Variants in CHD1L observed in about 807,000 individuals in gnomAD.
CHD1L encodes chromodomain helicase DNA binding protein 1 like, also known as ATP-dependent chromatin remodeler CHD1L.
In CHD1L, 118 loss-of-function variants were observed where a neutral mutation model predicts 115.9. The observed-to-expected ratio is 1.02, with a 90% CI of 0.88 to 1.19. The LOEUF is 1.19. CHD1L is among the 50% of genes most tolerant of loss of function. The pLI, the probability that CHD1L is intolerant of heterozygous loss-of-function variation, is 0.00. For missense variants in CHD1L, 1,179 were observed against 1,065.3 expected, an observed-to-expected ratio of 1.11 and a Z score of -1.49; for synonymous variants, 411 against 387.1, an observed-to-expected ratio of 1.06 and a Z score of -0.72.
chr1:147,186,973 A>C, the CHD1L span: 1 of 1,614,108 alleles, frequency 6.2e-7, no homozygotes, highest in African/African-American at 1.3e-5. Flanking sequence ...TGTTGAAGTC[A>C]TAGAACTACT....
chr1:147,178,252 C>G, the CHD1L span: 1 of 1,613,700 alleles, frequency 6.2e-7, no homozygotes, highest in Non-Finnish European at 8.5e-7. Context: ...CTCTGCGGGC[C>G]TCATGCTCGT....
chr1:147,178,211 A>G, the CHD1L span: 49 of 1,613,426 alleles, frequency 3.0e-5, no homozygotes, highest in African/African-American at 5.7e-4. Context: ...CTCAGGGACG[A>G]CAACTTGGAG....
the CHD1L span, among the ~76,000 whole-genome samples, chr1:147,207,938 C>T: frequency 4.9e-4 from 74 of 152,270 alleles, no homozygotes; most frequent in African/African-American, 1.8e-3. Flanking sequence ...GTTCATAAGT[C>T]CCTATGAAAT....
At position 147,255,824 on chromosome 1, in the gene CHD1L, G is replaced by A. The variant is rs1669928060; in HGVS notation, c.359G>A (p.Gly120Asp). ...TTTCTTGGATTCAGATTTGCTCCAG[G>A]TCTTTCCTGTGTAACATATGCAGGC... ...WKEEMQRFAP[G>D]LSCVTYAGDK... The change falls in exon 4 of 23, where the codon GGT becomes GAT. Residue 120 changes from glycine (G) to aspartate (D), a missense_variant. Physicochemically the swap from Gly to Asp is moderately conservative, Grantham distance 94. Coordinates refer to ENST00000369258, the MANE Select transcript of CHD1L (RefSeq NM_004284.6). 1 of 1,611,140 alleles carries A rather than the reference G, an allele frequency of 6.2e-7. No individual in the cohort carries two copies. Among genetic ancestry groups the A allele is most frequent in the African/African-American group, 1.3e-5 (1 of 74,850 alleles).
the CHD1L span, chr1:147,178,126 C>T: frequency 1.9e-6 from 3 of 1,593,872 alleles, no homozygotes; most frequent in Non-Finnish European, 2.6e-6. Context: ...GTGCCTCCGC[C>T]GCCCAGCGCT....
intron 12 of CHD1L, among the ~76,000 whole-genome samples, chr1:147,272,903 GA>G (rs35351060): frequency 2.1e-5 from 3 of 141,410 alleles, no homozygotes; most frequent in Admixed American, 7.0e-5. Context: ...GTGGTGTCTG[GA>G]AAAAAAAAAA....
intron 10 of CHD1L, among the ~76,000 whole-genome samples, chr1:147,269,835 G>A (rs1305487810): frequency 3.9e-5 from 6 of 152,230 alleles, no homozygotes; most frequent in African/African-American, 1.2e-4. Flanking sequence ...ACTGTCTTAG[G>A]TATGGCCTGA....
the CHD1L span, among the ~76,000 whole-genome samples, chr1:147,226,817 A>T: frequency 6.8e-6 from 1 of 147,176 alleles, no homozygotes; most frequent in Non-Finnish European, 1.5e-5. Context: ...ATTAACATTA[A>T]TGTGTTTTGG....
intron 1 of CHD1L, among the ~76,000 whole-genome samples, chr1:147,249,271 CAAG>C (rs1667595443): frequency 6.6e-6 from 1 of 151,996 alleles, no homozygotes; most frequent in East Asian, 1.9e-4. Context: ...AGATTTCTGA[CAAG>C]AAATCTGCTT....
chr1:147,251,076 T>C (rs12061879), intron 1 of CHD1L, among the ~76,000 whole-genome samples: 2,835 of 152,278 alleles, frequency 0.019, 88 homozygotes, highest in African/African-American at 0.064. Flanking sequence ...TCTCCATCCA[T>C]GTGGAATTGT....
At chr1:147,216,030 A>G in the CHD1L span, 11 of 917,566 alleles carry the variant, frequency 1.2e-5, no homozygotes, top group South Asian at 1.6e-4. Context: ...AGTTTTCTGA[A>G]AGAAGTGTCA....
intron 21 of CHD1L, 97 bp from the exon 22 acceptor site, chr1:147,294,312 G>C: frequency 1.4e-6 from 1 of 700,472 alleles, no homozygotes. Context: ...TATGGGCTTT[G>C]AGGGAGATAG....
At chr1:147,282,781 G>C (rs1681426663) in intron 15 of CHD1L, among the ~76,000 whole-genome samples, 1 of 152,128 alleles carries the variant, frequency 6.6e-6, no homozygotes, top group South Asian at 2.1e-4. Flanking sequence ...CTCTTTTCCA[G>C]AAAGATAATT....
chr1:147,265,564 C>T (rs762099705), intron 7 of CHD1L, among the ~76,000 whole-genome samples: 9 of 152,156 alleles, frequency 5.9e-5, no homozygotes, highest in Non-Finnish European at 1.3e-4. Flanking sequence ...GATAAGTTGC[C>T]TAATTTCTGA....
intron 20 of CHD1L, among the ~76,000 whole-genome samples, chr1:147,293,126 T>C (rs1043851535): frequency 7.0e-6 from 1 of 142,478 alleles, no homozygotes; most frequent in African/African-American, 2.5e-5. Flanking sequence ...CTTGACACTC[T>C]CCAGCTCGCC....
At chr1:147,256,456 T>G (rs1670177507) in intron 4 of CHD1L, 75 bp from the exon 5 acceptor site, 6 of 1,313,026 alleles carry the variant, frequency 4.6e-6, no homozygotes, top group Non-Finnish European at 6.6e-6. Flanking sequence ...TTTAAGAGAG[T>G]TCACAGAAAA....
Position 147,255,848 on chromosome 1 carries a change from G to A in CHD1L, c.383G>A (p.Gly128Asp). 1.2e-6 allele frequency: 2 copies of A among 1,613,706 alleles called. No individual in the cohort carries two copies. The highest frequency in any genetic ancestry group is 8.5e-7 in the Non-Finnish European group (1 of 1,179,782). The change falls in exon 4 of 23, where the codon GGC (glycine) becomes GAC (aspartate). Residue 128 changes from glycine to aspartate, a missense_variant. Transcript: ENST00000369258. The stretch of plus-strand genomic sequence containing the variant: ...GGTCTTTCCTGTGTAACATATGCAG[G>A]CGACAAGGAGGAAAGAGCCTGCCTT... ...APGLSCVTYA[G>D]DKEERACLQQ...
At chr1:147,233,032 G>T in the CHD1L span, among the ~76,000 whole-genome samples, 1 of 151,988 alleles carries the variant, frequency 6.6e-6, no homozygotes, top group African/African-American at 2.4e-5. Flanking sequence ...CTTCCCGGCC[G>T]CCATCCCATC....
At chr1:147,208,987 G>A in the CHD1L span, 9 of 1,613,880 alleles carry the variant, frequency 5.6e-6, no homozygotes, top group African/African-American at 1.2e-4. Flanking sequence ...CAACACATCA[G>A]CAGGATATCC....
Sources: allele counts gnomAD v4.1 joint callset (sites outside exome capture counted in the v4.1 genomes callset), GRCh38; gene constraint gnomAD v4.1.1; transcripts MANE v1.5; gene names NCBI Gene and HGNC (gene_info 2026-07-23, HGNC 2026-07-21).